Variants in TCF7L1 observed in about 807,000 individuals in gnomAD.
TCF7L1 encodes the protein transcription factor 7-like 1.
A neutral mutation model predicts 63.7 loss-of-function variants in TCF7L1; 18 were observed. That is an observed-to-expected ratio of 0.28 (90% CI 0.20 to 0.42). TCF7L1 has a LOEUF of 0.42. Ranked by LOEUF, TCF7L1 falls within the 10% of genes least tolerant of loss-of-function variation. The probability of loss-of-function intolerance (pLI) is 1.00; values close to 1 mark genes in which losing one functional copy is unlikely to be tolerated. For missense variants in TCF7L1, 654 were observed against 779.3 expected (o/e 0.84, Z 1.91); for synonymous variants, 355 against 340.9 (o/e 1.04, Z -0.46).
intron 3 of TCF7L1, among the ~76,000 whole-genome samples, chr2:85,265,231 G>C (rs1253522457): frequency 6.6e-6 from 1 of 151,964 alleles, no homozygotes; most frequent in Non-Finnish European, 1.5e-5. Flanking sequence ...GAAAGTTATG[G>C]AGGGGTAGGT....
intron 3 of TCF7L1, among the ~76,000 whole-genome samples, chr2:85,271,878 G>A (rs1172536169): frequency 6.6e-6 from 1 of 152,152 alleles, no homozygotes; most frequent in African/African-American, 2.4e-5. Flanking sequence ...GTAAGTGAAG[G>A]GTAGACTGGA....
rs1558661529 is a variant in TCF7L1 at position 85,302,634 on chromosome 2, C to T, written c.658+18C>T. 6.4e-7 allele frequency: 1 copy of T among 1,560,256 alleles called. No individual in the cohort carries two copies. Among genetic ancestry groups the T allele is most frequent in the Non-Finnish European group, 8.7e-7 (1 of 1,145,172 alleles). On this transcript the variant is annotated intron_variant, in intron 5 of 11. Coordinates refer to ENST00000282111, the MANE Select transcript of TCF7L1 (RefSeq NM_031283.3). Reference sequence around the variant, plus strand: ...AAAGACAGGTAAGTCGTCTGCCACTCAGGCAGTGCTGCTGCAGGGCAGGCG... The same window carrying T: ...AAAGACAGGTAAGTCGTCTGCCACTTAGGCAGTGCTGCTGCAGGGCAGGCG...
At chr2:85,304,123 C>A (rs766119938) in intron 6 of TCF7L1, 126 bp downstream of exon 6, 115 of 1,206,166 alleles carry the variant, frequency 9.5e-5, no homozygotes, top group Non-Finnish European at 1.3e-4. Flanking sequence ...TCCCTGCCCC[C>A]GCCCAGGCAG....
At chr2:85,285,153 A>T (rs1013873659) in intron 4 of TCF7L1, among the ~76,000 whole-genome samples, 4 of 152,128 alleles carry the variant, frequency 2.6e-5, no homozygotes, top group Admixed American at 6.5e-5. Flanking sequence ...GAATGGTGTG[A>T]ACCCCGGAGG....
At chr2:85,194,516 A>G (rs760230754) in intron 3 of TCF7L1, among the ~76,000 whole-genome samples, 1 of 152,178 alleles carries the variant, frequency 6.6e-6, no homozygotes, top group Admixed American at 6.5e-5. Flanking sequence ...ACCTTGGAGA[A>G]TGAAAATTGT....
intron 3 of TCF7L1, among the ~76,000 whole-genome samples, chr2:85,266,919 T>C (rs1680989318): frequency 6.6e-6 from 1 of 152,242 alleles, no homozygotes; most frequent in Non-Finnish European, 1.5e-5. Flanking sequence ...GCTCTGCCAG[T>C]GTCCTCCGTG....
chr2:85,271,053 G>A (rs531999051), intron 3 of TCF7L1, among the ~76,000 whole-genome samples: 30 of 152,066 alleles, frequency 2.0e-4, no homozygotes, highest in African/African-American at 5.1e-4. Flanking sequence ...CAACATAAAC[G>A]CCCAAAGTCC....
At chr2:85,196,404 C>T (rs190155456) in intron 3 of TCF7L1, among the ~76,000 whole-genome samples, 1 of 152,326 alleles carries the variant, frequency 6.6e-6, no homozygotes, top group Non-Finnish European at 1.5e-5. Context: ...ACATGTTATT[C>T]TGCACATTTA....
At chr2:85,206,388 G>A (rs769316894) in intron 3 of TCF7L1, among the ~76,000 whole-genome samples, 6 of 152,224 alleles carry the variant, frequency 3.9e-5, no homozygotes, top group Non-Finnish European at 8.8e-5. Context: ...CTGATAGAAG[G>A]CAGTTAAGGT....
intron 3 of TCF7L1, among the ~76,000 whole-genome samples, chr2:85,140,610 C>CAAA (rs2104185626): frequency 2.2e-5 from 1 of 45,562 alleles, no homozygotes; most frequent in Admixed American, 2.1e-4. Flanking sequence ...ATCAGCCTGG[C>CAAA]AAACACAGTG....
intron 3 of TCF7L1, among the ~76,000 whole-genome samples, chr2:85,144,743 GTGTGTGTA>G (rs1241073559): frequency 1.3e-3 from 195 of 149,064 alleles, no homozygotes; most frequent in African/African-American, 4.4e-3. Context: ...GTGTGTGTGT[GTGTGTGTA>G]TGTGTGTGTG....
chr2:85,168,047 A>G (rs116082080), intron 3 of TCF7L1, among the ~76,000 whole-genome samples: 2,275 of 151,972 alleles, frequency 0.015, 64 homozygotes, highest in African/African-American at 0.049. Flanking sequence ...GGGAAGAGGG[A>G]AATGTGTTGT....
chr2:85,310,128 T>C lies in TCF7L1; in HGVS notation c.*666T>C, dbSNP rs1281729695. 1 of 152,518 alleles carries C rather than the reference T, an allele frequency of 6.6e-6. No individual in the cohort carries two copies. The highest frequency in any genetic ancestry group is 1.9e-4 in the East Asian group (1 of 5,192). The allele number at this position is 152,518 out of a possible 1,614,324, so 9.4% of individuals were successfully genotyped here. A position where few individuals can be genotyped will look rare whatever the true frequency, so the allele number is the denominator to read the frequency against. On this transcript the variant is annotated 3_prime_UTR_variant, in exon 12 of 12. Transcript: ENST00000282111. ...ACTTCCTCAGCGAAGAAGTCTGTGT[T>C]CCTCCCCGTCCTTGCCAGTGGCGAT...
At chr2:85,295,775 C>CTTTTTTTTTTTTTTTTTTTTTTTTTT in intron 4 of TCF7L1, among the ~76,000 whole-genome samples, 1 of 100,884 alleles carries the variant, frequency 9.9e-6, no homozygotes, top group Non-Finnish European at 1.8e-5. Flanking sequence ...GTAACATTTA[C>CTTTTTTTTTTTTTTTTTTTTTTTTTT]TTTTTTTTTT....
rs1337078124 is a variant in TCF7L1, at chr2:85,306,953, C to T, written c.1257+394C>T. On this transcript the variant is annotated intron_variant, in intron 10 of 11. Coordinates refer to ENST00000282111, the MANE Select transcript of TCF7L1 (RefSeq NM_031283.3). This position sits in a 1 kb window ranked among gnomAD's most constrained non-coding sequence, Gnocchi z 4.3. Reference sequence around the variant, plus strand: ...CGCTGGGATTACAGGCGTGAGCCACCGCGCCCGGCCAGCGACTGCATTTAT... The same window carrying T: ...CGCTGGGATTACAGGCGTGAGCCACTGCGCCCGGCCAGCGACTGCATTTAT... 6.6e-6 allele frequency among the ~76,000 whole-genome samples: 1 copy of T among 152,210 alleles called. No homozygotes were observed. Among genetic ancestry groups the T allele is most frequent in the Non-Finnish European group, 1.5e-5 (1 of 68,042 alleles).
chr2:85,227,755 C>T (rs566641310), intron 3 of TCF7L1, among the ~76,000 whole-genome samples: 43 of 151,840 alleles, frequency 2.8e-4, no homozygotes, highest in African/African-American at 9.9e-4. Flanking sequence ...CAACACTTTG[C>T]GGCCCAAGGT....
chr2:85,156,319 T>G lies in TCF7L1; in HGVS notation c.441+21869T>G, dbSNP rs1678144323. 2.6e-5 allele frequency among the ~76,000 whole-genome samples: 4 copies of G among 152,228 alleles called. No individual in the cohort carries two copies. The South Asian group carries it at 8.3e-4, about 32-fold the overall frequency. ...ACTAAGTCAAAGGGATTTGCACATT[T>G]GGCAAAATGCCCTCTTCCTCAGGAA... On this transcript the variant is annotated intron_variant, in intron 3 of 11. Transcript: ENST00000282111.
At chr2:85,240,987 G>T (rs538229080) in intron 3 of TCF7L1, among the ~76,000 whole-genome samples, 1 of 152,158 alleles carries the variant, frequency 6.6e-6, no homozygotes, top group Non-Finnish European at 1.5e-5. Flanking sequence ...TATTAAATCT[G>T]TGCCTTTTGT....
chr2:85,270,777 G>A (rs7340255), intron 3 of TCF7L1, among the ~76,000 whole-genome samples: 65,676 of 151,722 alleles, frequency 0.43, 15,145 homozygotes, highest in Non-Finnish European at 0.53. Context: ...GCAGCCTCGA[G>A]CTCGAGGGCT....
Sources: gnomAD v4.1 joint callset for allele counts (sites outside exome capture counted in the v4.1 genomes callset) on GRCh38, gnomAD v4.1.1 for gene constraint, Gnocchi (gnomAD v3.1) non-coding constraint, MANE v1.5 for transcripts, NCBI Gene and HGNC (gene_info 2026-07-23, HGNC 2026-07-21) for gene names.